TMEM106A: variants seen among roughly 807,000 people sequenced by gnomAD.
The protein encoded by TMEM106A is transmembrane protein 106A.
Under a neutral mutation model 25.1 loss-of-function variants are expected in TMEM106A, and 22 were observed. The ratio of observed to expected loss-of-function variants is 0.88; its 90% CI spans 0.63 to 1.25. TMEM106A has a LOEUF of 1.25. Among genes scored for constraint, TMEM106A ranks in the 50% most tolerant of loss-of-function variants. TMEM106A has a pLI of 0.00. For synonymous variants in TMEM106A, 104 were observed against 129.9 expected, an observed-to-expected ratio of 0.80 and a Z score of 1.35; for missense variants, 275 against 318.1, an observed-to-expected ratio of 0.86 and a Z score of 1.03.
Position 43,213,293 on chromosome 17 carries a change from G to A in TMEM106A, c.211+41G>A, listed in dbSNP as rs201894788. 1.2e-4 allele frequency: 197 copies of A among 1,609,036 alleles called. 1 individual carries two copies. Among genetic ancestry groups the A allele is most frequent in the Non-Finnish European group, 2.6e-6 (3 of 1,176,374 alleles). Reference sequence around the variant, plus strand: ...CTCTGGAAATAGCCTGGAATCCAGGGAAAGTTCTTAGCCTGTTGGCCTGGG... The same window carrying A: ...CTCTGGAAATAGCCTGGAATCCAGGAAAAGTTCTTAGCCTGTTGGCCTGGG... On this transcript the variant is annotated intron_variant, in intron 3 of 8. Coordinates refer to ENST00000612339, the MANE Select transcript of TMEM106A (RefSeq NM_145041.4).
chr17:43,215,224 C>T lies in TMEM106A; in HGVS notation c.276-564C>T, dbSNP rs1294425122. On this transcript the variant is annotated intron_variant, in intron 4 of 8. Coordinates refer to ENST00000612339, the MANE Select transcript of TMEM106A (RefSeq NM_145041.4). ...TGCCACTGCACTCCAGCTTGGGCGA[C>T]ACAGCAAGACTCCATCTCAAAAAAA... is the stretch of plus-strand genomic sequence containing the variant. Among the ~76,000 whole-genome samples the T allele has an allele frequency of 2.6e-5, 4 of 151,288 alleles. No homozygotes were observed. In the East Asian group the frequency reaches 7.7e-4, roughly 29 times the overall value.
intron 4 of TMEM106A, among the ~76,000 whole-genome samples, chr17:43,214,214 A>G (rs868162902): frequency 9.0e-5 from 7 of 78,112 alleles, no homozygotes; most frequent in South Asian, 6.5e-4. Context: ...AAGAAAAAAA[A>G]AAAGAAAAGA....
intron 1 of TMEM106A, 123 bp downstream of exon 1, chr17:43,212,045 C>T (rs1300667128): frequency 6.6e-6 from 1 of 152,334 alleles, no homozygotes; most frequent in Non-Finnish European, 1.5e-5. Flanking sequence ...TGACTAACGG[C>T]CTCTAGGGGT....
chr17:43,213,800 C>G, intron 3 of TMEM106A, 28 bp from the exon 4 acceptor site: 1 of 1,611,752 alleles, frequency 6.2e-7, no homozygotes, highest in Non-Finnish European at 8.5e-7. Context: ...TGCATCTTGG[C>G]CCTCCCTCTC....
intron 5 of TMEM106A, 104 bp downstream of exon 5, chr17:43,216,045 G>T: frequency 6.9e-7 from 1 of 1,443,694 alleles, no homozygotes; most frequent in South Asian, 1.3e-5. Context: ...AGATCTTATG[G>T]CACCCAGAGG....
chr17:43,217,421 G>A (rs927423727), intron 8 of TMEM106A, 109 bp downstream of exon 8: 8 of 1,424,406 alleles, frequency 5.6e-6, no homozygotes, highest in Non-Finnish European at 7.9e-6. Flanking sequence ...ATGAATCTTT[G>A]TTGGCTCTTG....
At chr17:43,215,980 C>T (rs1475084519) in intron 5 of TMEM106A, 39 bp downstream of exon 5, 1 of 1,611,770 alleles carries the variant, frequency 6.2e-7, no homozygotes, top group South Asian at 1.1e-5. Flanking sequence ...CCCTTCCTAG[C>T]AATACTTCGC....
In TMEM106A at chr17:43,213,030, C is replaced by G; in HGVS notation, c.-12C>G. On this transcript the variant is annotated 5_prime_UTR_variant, in exon 3 of 9. Coordinates refer to ENST00000612339, the MANE Select transcript of TMEM106A (RefSeq NM_145041.4). ...GGTCTTTTCTCATTAGTGAAACCCC[C>G]GCCCCTGAAGAATGGGTAAGACGTT... The G allele has an allele frequency of 2.5e-6, 4 of 1,613,948 alleles. No individual in the cohort carries two copies. The highest frequency in any genetic ancestry group is 2.5e-6 in the Non-Finnish European group (3 of 1,179,862).
rs541044375 is a variant in TMEM106A, at chr17:43,218,110, C to G, written c.*309C>G. On this transcript the variant is annotated 3_prime_UTR_variant, in exon 9 of 9. Transcript: ENST00000612339. ...GTTGGTCCAGGTTGGTTTTGAACTC[C>G]TGGGCTCAAGCGATCCTCCCTTCTT... The G allele has an allele frequency of 3.6e-6, 1 of 275,980 alleles. No individual in the cohort carries two copies. Among genetic ancestry groups the G allele is most frequent in the Non-Finnish European group, 6.9e-6 (1 of 144,570 alleles). 17.1% of individuals were successfully genotyped at this position (275,980 alleles called of 1,614,324 possible).
rs988533856 is a variant in TMEM106A, at chr17:43,217,917, T to C, written c.*116T>C. ...TTGCCAAAGGAGAAGCCCTGCCTCA[T>C]CACACCCTTACCTCCCACCCCCTCA... On this transcript the variant is annotated 3_prime_UTR_variant, in exon 9 of 9. Coordinates refer to ENST00000612339, the MANE Select transcript of TMEM106A (RefSeq NM_145041.4). The C allele has an allele frequency of 6.7e-7, 1 of 1,493,066 alleles. No homozygotes were observed. The highest frequency in any genetic ancestry group is 9.1e-7 in the Non-Finnish European group (1 of 1,098,264). The allele number at this position is 1,493,066 out of a possible 1,614,324, so 92.5% of individuals were successfully genotyped here. A position where few individuals can be genotyped will look rare whatever the true frequency, so the allele number is the denominator to read the frequency against.
At chr17:43,213,407 T>C (rs2057455261) in intron 3 of TMEM106A, among the ~76,000 whole-genome samples, 155 bp downstream of exon 3, 1 of 152,204 alleles carries the variant, frequency 6.6e-6, no homozygotes. Context: ...GATACTTAAC[T>C]ATCCTTGGGT....
At position 43,215,809 on chromosome 17, in the gene TMEM106A, C is replaced by T. The variant is rs760932776; in HGVS notation, c.297C>T (p.Ala99=). The part of the protein sequence containing the change: ...PKHTKLFVFL[A]VLICLVTSSF... The stretch of plus-strand genomic sequence containing the variant: ...ACAGGAAGCTCTTTGTGTTCCTGGC[C>T]GTGCTCATCTGCCTGGTGACCTCCT... The change falls in exon 5 of 9, where the codon GCC becomes GCT. Residue 99 remains alanine (A), a synonymous_variant. Coordinates refer to ENST00000612339, the MANE Select transcript of TMEM106A (RefSeq NM_145041.4). 47 of 1,613,772 alleles carry T rather than the reference C, an allele frequency of 2.9e-5. No homozygotes were observed. The highest frequency in any genetic ancestry group is 3.3e-5 in the Admixed American group (2 of 59,984).
In TMEM106A at chr17:43,217,758, G is replaced by A; in HGVS notation, c.746G>A (p.Gly249Glu). ...AGCTATGAATATGTGGACTGCCGAG[G>A]AAACGCATCTGTGCCCCACCAGCTG... is the stretch of plus-strand genomic sequence containing the variant. ...FQSYEYVDCRGNASVPHQLTP... is the reference protein window; with the variant it reads ...FQSYEYVDCRENASVPHQLTP... The change falls in exon 9 of 9, where the codon GGA becomes GAA. Residue 249 changes from glycine to glutamate, a missense_variant. Physicochemically the swap from Gly to Glu is moderately conservative, Grantham distance 98 (BLOSUM62 -2). Coordinates refer to ENST00000612339, the MANE Select transcript of TMEM106A (RefSeq NM_145041.4). 6.2e-7 allele frequency: 1 copy of A among 1,614,116 alleles called. No homozygotes were observed. Among genetic ancestry groups the A allele is most frequent in the Non-Finnish European group, 8.5e-7 (1 of 1,180,034 alleles).
chr17:43,217,160 T>G, intron 7 of TMEM106A, 99 bp from the exon 8 acceptor site: 1 of 1,252,098 alleles, frequency 8.0e-7, no homozygotes, highest in Non-Finnish European at 1.2e-6. Flanking sequence ...AAGGAAAGAG[T>G]TCTGTGGGGT....
chr17:43,217,538 T>C, intron 8 of TMEM106A, 143 bp from the exon 9 acceptor site: 1 of 1,467,198 alleles, frequency 6.8e-7, no homozygotes, highest in Non-Finnish European at 9.1e-7. Flanking sequence ...GTGGGGCAGC[T>C]GTCCCAGGTA....
At chr17:43,217,026 G>T in intron 7 of TMEM106A, 1 of 627,900 alleles carries the variant, frequency 1.6e-6, no homozygotes, top group South Asian at 1.9e-5. Context: ...TCTGTCTCCT[G>T]AATGGGGGTC....
Position 43,216,714 on chromosome 17 carries a change from TA to T in TMEM106A, c.589del (p.Thr197ProfsTer30). The T allele has an allele frequency of 6.2e-7, 1 of 1,614,222 alleles. No individual in the cohort carries two copies. Among genetic ancestry groups the T allele is most frequent in the Non-Finnish European group, 8.5e-7 (1 of 1,180,036 alleles). ...ASEQMFYAVA[T>X]KIRDENTYKI... ...GTTGACAGATGTTTTACGCAGTAGC[TA>T]CCAAGATACGGGATGAAAACACATA... On this transcript the variant is annotated frameshift_variant, in exon 7 of 9. Coordinates refer to ENST00000612339, the MANE Select transcript of TMEM106A (RefSeq NM_145041.4). LOFTEE classifies it high-confidence loss of function.
In TMEM106A at chr17:43,215,841, T is replaced by C; in HGVS notation, c.329T>C (p.Ile110Thr). The C allele has an allele frequency of 6.2e-7, 1 of 1,614,096 alleles. No individual in the cohort carries two copies. The highest frequency in any genetic ancestry group is 8.5e-7 in the Non-Finnish European group (1 of 1,180,008). The change falls in exon 5 of 9, where the codon ATC becomes ACC. Residue 110 changes from isoleucine to threonine, a missense_variant. Transcript: ENST00000612339. ...ATCTGCCTGGTGACCTCCTCCTTCA[T>C]CGTCTTTTTCCTGTTTCCCCGGTCC... ...VLICLVTSSF[I>T]VFFLFPRSVI...
chr17:43,212,025 G>C (rs2057433255), intron 1 of TMEM106A, 103 bp downstream of exon 1: 1 of 152,562 alleles, frequency 6.6e-6, no homozygotes, highest in African/African-American at 2.4e-5. Flanking sequence ...CCCCGCACGG[G>C]TACCAAGCTT....
Sources: allele counts gnomAD v4.1 joint callset (sites outside exome capture counted in the v4.1 genomes callset), GRCh38; gene constraint gnomAD v4.1.1; transcripts MANE v1.5; gene names NCBI Gene and HGNC (gene_info 2026-07-23, HGNC 2026-07-21).